Variants in HMCN1 observed in about 807,000 individuals in gnomAD.
The protein encoded by HMCN1 is hemicentin-1.
A neutral mutation model predicts 625.9 loss-of-function variants in HMCN1; 321 were observed. The ratio of observed to expected loss-of-function variants is 0.51; its 90% CI spans 0.47 to 0.56. The LOEUF is 0.56. Ranked by LOEUF, HMCN1 falls within the 20% of genes least tolerant of loss-of-function variation. The probability of loss-of-function intolerance (pLI) is 0.00; values close to 1 mark genes in which losing one functional copy is unlikely to be tolerated. For synonymous variants in HMCN1, 2,425 were observed against 2,417.6 expected (o/e 1.00, Z -0.09); for missense variants, 6,588 against 6,887.3 (o/e 0.96, Z 1.54).
intron 16 of HMCN1, chr1:185,978,238 T>C: frequency 2.6e-6 from 1 of 389,322 alleles, no homozygotes; most frequent in South Asian, 3.2e-5. Context: ...ATCTTACCAT[T>C]TCTTATTGCA....
intron 4 of HMCN1, among the ~76,000 whole-genome samples, chr1:185,893,057 C>G (rs140922380): frequency 0.063 from 9,636 of 152,192 alleles, 1,067 homozygotes; most frequent in African/African-American, 0.22. Flanking sequence ...TATTCGGGTG[C>G]AAGTGACCCG....
chr1:186,129,392 TAA>T (rs1459049283), intron 83 of HMCN1, among the ~76,000 whole-genome samples: 1 of 151,270 alleles, frequency 6.6e-6, no homozygotes, highest in Non-Finnish European at 1.5e-5. Flanking sequence ...AATTTTTAAA[TAA>T]AATATATGCC....
At chr1:185,900,512 G>C (rs908969652) in intron 4 of HMCN1, among the ~76,000 whole-genome samples, 14 of 151,864 alleles carry the variant, frequency 9.2e-5, no homozygotes, top group African/African-American at 3.4e-4. Context: ...TCTCTATAAA[G>C]TATTTCCCAA....
intron 106 of HMCN1, 93 bp from the exon 107 acceptor site, chr1:186,189,419 T>C (rs1653570579): frequency 6.4e-6 from 9 of 1,402,024 alleles, no homozygotes; most frequent in Non-Finnish European, 9.0e-6. Flanking sequence ...CTGCATGCAG[T>C]GCCTAAAAGT....
At chr1:185,948,628 A>T (rs1392505843) in intron 11 of HMCN1, among the ~76,000 whole-genome samples, 1 of 151,654 alleles carries the variant, frequency 6.6e-6, no homozygotes, top group African/African-American at 2.4e-5. Flanking sequence ...GGCAGGGCAT[A>T]TTCACTTCTT....
At chr1:186,183,981 A>G (rs995524053) in intron 105 of HMCN1, among the ~76,000 whole-genome samples, 1 of 152,214 alleles carries the variant, frequency 6.6e-6, no homozygotes, top group South Asian at 2.1e-4. Context: ...AGCATTTGGA[A>G]TAACCACTCA....
intron 1 of HMCN1, among the ~76,000 whole-genome samples, chr1:185,810,932 A>C (rs1400949379): frequency 6.6e-6 from 1 of 152,210 alleles, no homozygotes; most frequent in Non-Finnish European, 1.5e-5. Flanking sequence ...TTAGCAAAGA[A>C]CAGTGTCAAA....
At position 186,083,752 on chromosome 1, in the gene HMCN1, A is replaced by G. The variant is rs561306929; in HGVS notation, c.8884+791A>G. 1.1e-4 allele frequency among the ~76,000 whole-genome samples: 17 copies of G among 152,148 alleles called. No homozygotes were observed. The East Asian group carries it at 3.3e-3, about 29-fold the overall frequency. Reference sequence around the variant, plus strand: ...GATAAATATTCTTCTTTGGTGTGATATGTAGTGAGTATTGGTATCTAGCAG... The same window carrying G: ...GATAAATATTCTTCTTTGGTGTGATGTGTAGTGAGTATTGGTATCTAGCAG... On this transcript the variant is annotated intron_variant, in intron 57 of 106. Transcript: ENST00000271588.
At chr1:186,005,118 T>TC (rs1653474108) in intron 29 of HMCN1, among the ~76,000 whole-genome samples, 2 of 150,606 alleles carry the variant, frequency 1.3e-5, no homozygotes, top group African/African-American at 4.9e-5. Flanking sequence ...TTTATAAATG[T>TC]TTATAAACAA....
At chr1:186,046,012 A>G in intron 41 of HMCN1, 149 bp downstream of exon 41, 4 of 619,662 alleles carry the variant, frequency 6.5e-6, no homozygotes, top group Non-Finnish European at 1.1e-5. Flanking sequence ...GAGGTTTGTA[A>G]TATTTAAAAA....
At position 186,089,746 on chromosome 1, in the gene HMCN1, G is replaced by A. The variant is rs143454693; in HGVS notation, c.9727+991G>A. Among the ~76,000 whole-genome samples the A allele has an allele frequency of 4.1e-4, 62 of 151,994 alleles. 1 individual carries two copies. The East Asian group carries it at 9.7e-3, about 24-fold the overall frequency. Reference sequence around the variant, plus strand: ...GCATATAGGACCTAGTCCAGTGCTTGTCATATATTAGATACTCATTATAGG... The same window carrying A: ...GCATATAGGACCTAGTCCAGTGCTTATCATATATTAGATACTCATTATAGG... On this transcript the variant is annotated intron_variant, in intron 63 of 106. Transcript: ENST00000271588.
At chr1:185,844,408 T>C (rs1239698087) in intron 1 of HMCN1, among the ~76,000 whole-genome samples, 1 of 152,222 alleles carries the variant, frequency 6.6e-6, no homozygotes, top group Non-Finnish European at 1.5e-5. Flanking sequence ...ACATGGGTTA[T>C]GGCAGACAAA....
chr1:186,114,178 AT>A (rs202162661), intron 73 of HMCN1, 55 bp downstream of exon 73: 12 of 1,596,888 alleles, frequency 7.5e-6, no homozygotes, highest in East Asian at 4.5e-5. Flanking sequence ...CAAATTCTTA[AT>A]TTTTTTTCCT....
chr1:186,108,406 T>C, intron 70 of HMCN1, 55 bp from the exon 71 acceptor site: 1 of 1,613,572 alleles, frequency 6.2e-7, no homozygotes, highest in South Asian at 1.1e-5. Context: ...ACCAACATTT[T>C]TTGGATACCT....
chr1:186,118,168 G>A (rs374199324), intron 77 of HMCN1, among the ~76,000 whole-genome samples: 2 of 151,644 alleles, frequency 1.3e-5, no homozygotes, highest in East Asian at 1.9e-4. Flanking sequence ...TTATAGTATT[G>A]AAGAAAAAAA....
intron 68 of HMCN1, among the ~76,000 whole-genome samples, chr1:186,103,116 A>G (rs1200705999): frequency 6.6e-6 from 1 of 152,138 alleles, no homozygotes; most frequent in Non-Finnish European, 1.5e-5. Flanking sequence ...CAAAAACATA[A>G]TAATATGCTA....
chr1:186,114,148 A>T, intron 73 of HMCN1, 25 bp downstream of exon 73: 1 of 1,613,272 alleles, frequency 6.2e-7, no homozygotes. Context: ...AAATTAAAAA[A>T]TGCTATAAGA....
rs776714531 is a variant in HMCN1 at position 185,984,340 on chromosome 1, T to C, written c.2935+27T>C. The C allele has an allele frequency of 8.7e-6, 14 of 1,611,590 alleles. No homozygotes were observed. The South Asian group carries it at 1.5e-4, about 18-fold the overall frequency. On this transcript the variant is annotated intron_variant, in intron 19 of 106. Coordinates refer to ENST00000271588, the MANE Select transcript of HMCN1 (RefSeq NM_031935.3). ...TAAGAGACACACCCAATGTTATTGT[T>C]TCGAAACTGTGTTCAAAGTAGTTGT...
At chr1:185,791,582 C>T (rs985437351) in intron 1 of HMCN1, among the ~76,000 whole-genome samples, 17 of 151,880 alleles carry the variant, frequency 1.1e-4, no homozygotes, top group African/African-American at 3.9e-4. Context: ...ATTAGCTGGG[C>T]ACGGTGGCAG....
Sources: allele counts gnomAD v4.1 joint callset (sites outside exome capture counted in the v4.1 genomes callset), GRCh38; gene constraint gnomAD v4.1.1; transcripts MANE v1.5; gene names NCBI Gene and HGNC (gene_info 2026-07-23, HGNC 2026-07-21).